Variants in TPP2 observed in about 807,000 individuals in gnomAD.
TPP2 encodes the protein tripeptidyl-peptidase 2.
TPP2 carries 34 observed loss-of-function variants against 155.9 expected under a neutral mutation model. That is an observed-to-expected ratio of 0.22 (90% CI 0.17 to 0.29). TPP2 has a LOEUF of 0.29. Ranked by LOEUF, TPP2 falls within the 10% of genes least tolerant of loss-of-function variation. TPP2 has a pLI of 1.00. For missense variants in TPP2, 1,028 were observed against 1,522.3 expected, an observed-to-expected ratio of 0.68 and a Z score of 5.40; for synonymous variants, 510 against 529.4, an observed-to-expected ratio of 0.96 and a Z score of 0.50.
intron 29 of TPP2, among the ~76,000 whole-genome samples, chr13:102,676,648 A>G (rs951299117): frequency 5.3e-5 from 8 of 152,218 alleles, no homozygotes; most frequent in Non-Finnish European, 1.0e-4. Flanking sequence ...CTAGCCTCAA[A>G]TGTTTTCAAC....
intron 9 of TPP2, among the ~76,000 whole-genome samples, chr13:102,629,810 A>G (rs566522511): frequency 6.6e-6 from 1 of 152,378 alleles, no homozygotes; most frequent in Non-Finnish European, 1.5e-5. Flanking sequence ...AAGTGGTTTC[A>G]TAGAAATACA....
chr13:102,604,236 C>T (rs1379032533), intron 1 of TPP2, among the ~76,000 whole-genome samples: 2 of 152,056 alleles, frequency 1.3e-5, no homozygotes, highest in African/African-American at 4.8e-5. Flanking sequence ...TAAACTTGTC[C>T]AGCCCACAGC....
intron 25 of TPP2, among the ~76,000 whole-genome samples, chr13:102,662,879 C>CATT (rs1253094312): frequency 6.6e-6 from 1 of 152,058 alleles, no homozygotes; most frequent in Non-Finnish European, 1.5e-5. Flanking sequence ...CATAGAATAA[C>CATT]TCTTTATTGA....
chr13:102,635,059 T>C (rs1251114126), intron 11 of TPP2, among the ~76,000 whole-genome samples: 1 of 152,214 alleles, frequency 6.6e-6, no homozygotes, highest in Admixed American at 6.5e-5. Context: ...TCCATATTCT[T>C]CCCATAAAAC....
chr13:102,623,907 A>G (rs765191010), intron 6 of TPP2, among the ~76,000 whole-genome samples: 4 of 152,116 alleles, frequency 2.6e-5, no homozygotes, highest in Non-Finnish European at 5.9e-5. Flanking sequence ...GCATCTCTAC[A>G]TGACTTCTAA....
At chr13:102,609,001 A>AT (rs1464706004) in intron 2 of TPP2, among the ~76,000 whole-genome samples, 5 of 152,006 alleles carry the variant, frequency 3.3e-5, no homozygotes, top group Admixed American at 3.3e-4. Context: ...TATACACTAT[A>AT]TTTTTTTCCC....
At chr13:102,638,438 C>A in intron 15 of TPP2, 123 bp downstream of exon 15, 1 of 1,025,158 alleles carries the variant, frequency 9.8e-7, no homozygotes, top group Non-Finnish European at 1.5e-6. Context: ...TGTCTTAGTT[C>A]TGCTCCCAGC....
In TPP2 at chr13:102,643,368, C is replaced by T; in HGVS notation, c.2167C>T (p.Pro723Ser). The change falls in exon 17 of 30, where the codon CCT (proline) becomes TCT (serine). Residue 723 changes from proline to serine, a missense_variant. Physicochemically the swap from Pro to Ser is moderately conservative, Grantham distance 74. Around this residue, in one of 7 missense-constraint regions of TPP2, gnomAD observed 325 missense variants for 463.7 expected, o/e 0.70. Coordinates refer to ENST00000376052, the MANE Select transcript of TPP2 (RefSeq NM_001330588.2). ...GAAAGGAACACTGACTGAAGCTTTTCCTGTCCTAGTAAGTTTAATTATAGT... is the reference window on the plus strand; with the variant it reads ...GAAAGGAACACTGACTGAAGCTTTTTCTGTCCTAGTAAGTTTAATTATAGT... ...PEKGTLTEAF[P>S]VLGGKAIEFC... The T allele has an allele frequency of 6.2e-7, 1 of 1,604,756 alleles. No individual in the cohort carries two copies. Among genetic ancestry groups the T allele is most frequent in the Non-Finnish European group, 8.5e-7 (1 of 1,177,164 alleles).
chr13:102,617,070 G>A (rs1342857667), intron 4 of TPP2, among the ~76,000 whole-genome samples: 7 of 150,044 alleles, frequency 4.7e-5, no homozygotes, highest in Admixed American at 1.3e-4. Context: ...CACCACACCC[G>A]ACTAGTTTTT....
chr13:102,640,142 T>C (rs1882656953), intron 15 of TPP2, 128 bp from the exon 16 acceptor site: 2 of 716,034 alleles, frequency 2.8e-6, no homozygotes, highest in South Asian at 2.4e-5. Flanking sequence ...CCTACTGTTT[T>C]GTAACCAGCT....
At chr13:102,655,807 A>G (rs189423872) in intron 24 of TPP2, among the ~76,000 whole-genome samples, 4 of 151,202 alleles carry the variant, frequency 2.6e-5, no homozygotes, top group African/African-American at 9.7e-5. Context: ...TTCGTCGTAC[A>G]CTGCCTCTCA....
rs200946789 is a variant in TPP2, at chr13:102,618,764, T to C, written c.538T>C (p.Leu180=). ...GGAGGAACTTCAAAGTCAAGTGGAA[T>C]TGCTAAATTCTTTTGAGAAGAAATA... The part of the protein sequence containing the change: ...IKEELQSQVE[L]LNSFEKKYSD... Residue 180 remains leucine (L), a synonymous_variant, in exon 5 of 30, where the codon TTG becomes CTG. Transcript: ENST00000376052. 1.6e-5 allele frequency: 26 copies of C among 1,613,970 alleles called. No individual in the cohort carries two copies. In the African/African-American group the frequency reaches 3.2e-4, roughly 20 times the overall value.
chr13:102,597,513 C>G (rs866523819), intron 1 of TPP2, among the ~76,000 whole-genome samples: 1 of 152,166 alleles, frequency 6.6e-6, no homozygotes, highest in African/African-American at 2.4e-5. Context: ...GCCTGGGTCC[C>G]CCTTTGGCCC....
chr13:102,679,145 T>C lies in TPP2; in HGVS notation c.*829T>C, dbSNP rs1885479207. The stretch of plus-strand genomic sequence containing the variant: ...TGGTACCTTAATTTTTTTTTATAAA[T>C]AATAAAAGTGAATATTGAAGCTTCT... On this transcript the variant is annotated 3_prime_UTR_variant, in exon 30 of 30. Coordinates refer to ENST00000376052, the MANE Select transcript of TPP2 (RefSeq NM_001330588.2). 1 of 152,572 alleles carries C rather than the reference T, an allele frequency of 6.6e-6. No individual in the cohort carries two copies. Among genetic ancestry groups the C allele is most frequent in the Admixed American group, 6.5e-5 (1 of 15,274 alleles). 9.5% of individuals were successfully genotyped at this position (152,572 alleles called of 1,614,324 possible).
intron 25 of TPP2, among the ~76,000 whole-genome samples, chr13:102,662,563 A>G (rs963688121): frequency 2.7e-4 from 41 of 152,236 alleles, no homozygotes; most frequent in African/African-American, 9.9e-4. Flanking sequence ...GTAAAACGAA[A>G]GTGTTGATTT....
chr13:102,654,554 G>A (rs1020414293), intron 24 of TPP2, among the ~76,000 whole-genome samples: 70 of 152,048 alleles, frequency 4.6e-4, no homozygotes, highest in African/African-American at 1.6e-3. Flanking sequence ...TAAAACAATA[G>A]CAAATACCTC....
Position 102,622,878 on chromosome 13 carries a change from G to T in TPP2, c.622G>T (p.Ala208Ser). ...TCTCCATTTCTTTTTAATTAATAGA[G>T]CCTGCATTGATTCTAATGAAGATGG... ...LVWHDGEVWR[A>S]CIDSNEDGDL... The change falls in exon 6 of 30, where the codon GCC (alanine) becomes TCC (serine). Residue 208 changes from alanine (A) to serine (S), a missense_variant and splice_region_variant. Physicochemically the swap from Ala to Ser is moderately conservative, Grantham distance 99. Transcript: ENST00000376052. 6.2e-7 allele frequency: 1 copy of T among 1,607,690 alleles called. No individual in the cohort carries two copies. The highest frequency in any genetic ancestry group is 8.5e-7 in the Non-Finnish European group (1 of 1,178,412).
chr13:102,649,708 A>C (rs1287835858), intron 23 of TPP2, among the ~76,000 whole-genome samples: 1 of 152,144 alleles, frequency 6.6e-6, no homozygotes, highest in African/African-American at 2.4e-5. Flanking sequence ...CTTTTTCACA[A>C]GCCTACAGTA....
At chr13:102,635,835 C>T (rs1882340030) in intron 12 of TPP2, 133 bp downstream of exon 12, 1 of 708,112 alleles carries the variant, frequency 1.4e-6, no homozygotes, top group East Asian at 2.8e-5. Context: ...CATAGAACTA[C>T]AAGCAAAAAG....
Sources: allele counts gnomAD v4.1 joint callset (sites outside exome capture counted in the v4.1 genomes callset), GRCh38; gene constraint gnomAD v4.1.1; regional missense constraint gnomAD v4.1.1; transcripts MANE v1.5; gene names NCBI Gene and HGNC (gene_info 2026-07-23, HGNC 2026-07-21).